HDAC8: variants seen among roughly 807,000 people sequenced by gnomAD.
The protein encoded by HDAC8 is histone deacetylase 8.
HDAC8 carries 1 observed loss-of-function variant against 32.2 expected under a neutral mutation model. The ratio of observed to expected loss-of-function variants is 0.03; its 90% confidence interval spans 0.01 to 0.15. HDAC8 has a LOEUF of 0.15. Ranked by LOEUF, HDAC8 falls within the 10% of genes least tolerant of loss-of-function variation. The pLI is 1.00. For missense variants in HDAC8, 117 were observed against 300.0 expected, an observed-to-expected ratio of 0.39 and a Z score of 4.51; for synonymous variants, 108 against 113.9, an observed-to-expected ratio of 0.95 and a Z score of 0.33.
intron 9 of HDAC8, among the ~76,000 whole-genome samples, chrX:72,373,306 G>A (rs1380529034): frequency 8.1e-5 from 9 of 111,771 alleles, no homozygotes; most frequent in Non-Finnish European, 1.5e-4. Context: ...ACAAAGTTGT[G>A]CAACCACTAT....
chrX:72,445,215 G>A (rs1263187705), intron 9 of HDAC8, among the ~76,000 whole-genome samples: 29 of 109,676 alleles, frequency 2.6e-4, no homozygotes, highest in East Asian at 1.4e-3. Context: ...AAAAGAGCCC[G>A]CATCACCAAG....
At chrX:72,530,937 G>A (rs1486593060) in intron 4 of HDAC8, among the ~76,000 whole-genome samples, 1 of 112,310 alleles carries the variant, frequency 8.9e-6, no homozygotes, top group Non-Finnish European at 1.9e-5. Flanking sequence ...GTCTATGGGA[G>A]TCAGGAAGAA....
intron 9 of HDAC8, among the ~76,000 whole-genome samples, chrX:72,428,831 C>T (rs2046725624): frequency 9.0e-6 from 1 of 111,666 alleles, no homozygotes; most frequent in African/African-American, 3.3e-5. Context: ...ATCCTACTCA[C>T]TTGGTAGCTG....
chrX:72,538,835 T>A (rs1556040895), intron 4 of HDAC8, among the ~76,000 whole-genome samples: 2 of 112,008 alleles, frequency 1.8e-5, no homozygotes. Flanking sequence ...CTCAGGCTTT[T>A]GAAAAGATTC....
intron 9 of HDAC8, among the ~76,000 whole-genome samples, chrX:72,389,845 C>G (rs782581327): frequency 9.0e-6 from 1 of 111,421 alleles, no homozygotes; most frequent in African/African-American, 3.3e-5. Flanking sequence ...AATATAAGAA[C>G]AGTCGGAATC....
chrX:72,429,900 T>G (rs1254373849), intron 9 of HDAC8, among the ~76,000 whole-genome samples: 1 of 111,991 alleles, frequency 8.9e-6, no homozygotes, highest in East Asian at 2.8e-4. Flanking sequence ...CTCTTCCAGG[T>G]GCAGAAATGA....
intron 7 of HDAC8, among the ~76,000 whole-genome samples, chrX:72,485,347 T>C (rs782420600): frequency 1.8e-5 from 2 of 112,037 alleles, no homozygotes; most frequent in South Asian, 7.4e-4. Flanking sequence ...ATCTGTCATT[T>C]ATATAAAATG....
chrX:72,481,667 A>G (rs2048511886), intron 7 of HDAC8, among the ~76,000 whole-genome samples: 1 of 108,462 alleles, frequency 9.2e-6, no homozygotes, highest in African/African-American at 3.4e-5. Context: ...ACAGTGGCAC[A>G]ATTTCAGCTC....
At chrX:72,379,531 T>C (rs2045206740) in intron 9 of HDAC8, among the ~76,000 whole-genome samples, 1 of 88,428 alleles carries the variant, frequency 1.1e-5, no homozygotes, top group Admixed American at 1.3e-4. Context: ...GGAGTCTTAC[T>C]CTGTCACCCA....
At chrX:72,370,027 T>C (rs2044822453) in intron 9 of HDAC8, among the ~76,000 whole-genome samples, 2 of 111,890 alleles carry the variant, frequency 1.8e-5, no homozygotes, top group Admixed American at 9.4e-5. Flanking sequence ...TGACAGTCCC[T>C]CCACCCCTTA....
intron 4 of HDAC8, among the ~76,000 whole-genome samples, chrX:72,514,053 T>C (rs782383353): frequency 2.2e-4 from 25 of 112,383 alleles, no homozygotes; most frequent in Non-Finnish European, 3.6e-4. Context: ...CTTGAATCAG[T>C]TGGCAAAGTG....
intron 4 of HDAC8, among the ~76,000 whole-genome samples, chrX:72,560,721 T>A (rs1390934743): frequency 9.1e-6 from 1 of 109,940 alleles, no homozygotes; most frequent in African/African-American, 3.3e-5. Flanking sequence ...GGAAGTTCCC[T>A]TCTATTCCTA....
chrX:72,517,979 T>A (rs1420602382), intron 4 of HDAC8, among the ~76,000 whole-genome samples: 2 of 111,929 alleles, frequency 1.8e-5, no homozygotes, highest in African/African-American at 6.5e-5. Flanking sequence ...TCGGGAGTAT[T>A]GCCATCTTAA....
chrX:72,491,497 C>G (rs2048870529), intron 5 of HDAC8, among the ~76,000 whole-genome samples: 2 of 111,954 alleles, frequency 1.8e-5, no homozygotes, highest in African/African-American at 6.5e-5. Flanking sequence ...GAAACATTAG[C>G]CATTATATAC....
intron 9 of HDAC8, among the ~76,000 whole-genome samples, chrX:72,424,721 C>A (rs782501925): frequency 8.9e-6 from 1 of 111,739 alleles, no homozygotes; most frequent in Admixed American, 9.5e-5. Context: ...CCCCAACCCC[C>A]ACTTCTCCAA....
At chrX:72,334,913 ATTTG>A (rs1415068754) in intron 10 of HDAC8, among the ~76,000 whole-genome samples, 2 of 112,328 alleles carry the variant, frequency 1.8e-5, no homozygotes, top group Non-Finnish European at 3.8e-5. Flanking sequence ...TGGTTGACTC[ATTTG>A]TTTATCAATT....
chrX:72,557,741 A>G (rs1803065727), intron 4 of HDAC8, among the ~76,000 whole-genome samples: 1 of 111,787 alleles, frequency 8.9e-6, no homozygotes, highest in Non-Finnish European at 1.9e-5. Flanking sequence ...TCAGAGCAGA[A>G]CTAAATGAAA....
intron 9 of HDAC8, among the ~76,000 whole-genome samples, chrX:72,364,002 A>T (rs185035921): frequency 2.7e-5 from 3 of 111,713 alleles, no homozygotes; most frequent in Non-Finnish European, 5.6e-5. Flanking sequence ...TTCAACAGGG[A>T]AGCAGGCCAT....
chrX:72,368,232 C>T (rs1277026389), intron 9 of HDAC8, among the ~76,000 whole-genome samples: 2 of 111,956 alleles, frequency 1.8e-5, no homozygotes, highest in African/African-American at 6.5e-5. Context: ...ATGCCCAGCC[C>T]TCCCTTCTCA....
Sources: allele counts gnomAD v4.1 joint callset (sites outside exome capture counted in the v4.1 genomes callset), GRCh38; gene constraint gnomAD v4.1.1; transcripts MANE v1.5; gene names NCBI Gene and HGNC (gene_info 2026-07-23, HGNC 2026-07-21).